Variants in RIMS1 observed in about 807,000 individuals in gnomAD.
RIMS1 encodes regulating synaptic membrane exocytosis 1.
A neutral mutation model predicts 214.1 loss-of-function variants in RIMS1; 83 were observed. The observed-to-expected ratio is 0.39, with a 90% CI of 0.32 to 0.47. The LOEUF (loss-of-function observed/expected upper bound fraction) is 0.47, where lower values mean the gene tolerates loss of function less well. Among genes scored for constraint, RIMS1 ranks in the 20% least tolerant of loss-of-function variants. The probability of loss-of-function intolerance (pLI) is 0.99; values close to 1 mark genes in which losing one functional copy is unlikely to be tolerated. For missense variants in RIMS1, 2,050 were observed against 2,161.8 expected, an observed-to-expected ratio of 0.95 and a Z score of 1.03; for synonymous variants, 793 against 786.8, an observed-to-expected ratio of 1.01 and a Z score of -0.13.
chr6:72,376,394 C>G (rs2098380132), intron 29 of RIMS1, among the ~76,000 whole-genome samples: 1 of 152,150 alleles, frequency 6.6e-6, no homozygotes, highest in Non-Finnish European at 1.5e-5. Flanking sequence ...TGTTACTCTT[C>G]CACATCTGCT....
intron 2 of RIMS1, among the ~76,000 whole-genome samples, chr6:72,031,208 A>G (rs1486439933): frequency 6.6e-6 from 1 of 152,168 alleles, no homozygotes; most frequent in Non-Finnish European, 1.5e-5. Flanking sequence ...TGACAGCTTG[A>G]AGCTACATTA....
chr6:72,189,714 C>T (rs2049747362), intron 6 of RIMS1, among the ~76,000 whole-genome samples: 1 of 152,212 alleles, frequency 6.6e-6, no homozygotes, highest in Non-Finnish European at 1.5e-5. Flanking sequence ...AGTGGAAGTC[C>T]ATGTTGCTGA....
At chr6:72,327,108 T>C (rs138423525) in intron 28 of RIMS1, among the ~76,000 whole-genome samples, 18 of 151,790 alleles carry the variant, frequency 1.2e-4, no homozygotes, top group African/African-American at 4.3e-4. Context: ...CCTCCAGAAC[T>C]GAAAGATAAT....
chr6:72,287,381 C>G (rs1331971921), intron 24 of RIMS1, among the ~76,000 whole-genome samples: 1 of 152,162 alleles, frequency 6.6e-6, no homozygotes, highest in Non-Finnish European at 1.5e-5. Context: ...AAGCAATTTA[C>G]TGCAAGTCCA....
At chr6:72,084,938 G>A (rs1243817588) in intron 2 of RIMS1, among the ~76,000 whole-genome samples, 1 of 152,024 alleles carries the variant, frequency 6.6e-6, no homozygotes, top group African/African-American at 2.4e-5. Context: ...TTTTAAAAGG[G>A]TATGTAGAAT....
rs558737267 is a variant in RIMS1 at position 72,380,952 on chromosome 6, T to C, written c.4367-9646T>C. 7.9e-5 allele frequency among the ~76,000 whole-genome samples: 12 copies of C among 152,332 alleles called. No homozygotes were observed. In the South Asian group the frequency reaches 2.3e-3, roughly 29 times the overall value. On this transcript the variant is annotated intron_variant, in intron 29 of 33. Transcript: ENST00000521978. ...TCCCCACATGCTTAAAGTATCTCAA[T>C]CATCACAATTATTAAATAACATGAT...
At chr6:72,196,378 TC>T (rs1428932535) in intron 6 of RIMS1, among the ~76,000 whole-genome samples, 1,339 of 26,706 alleles carry the variant, frequency 0.05, 25 homozygotes, top group African/African-American at 0.17. Context: ...TGTCTGTCTG[TC>T]TATCTATCTA....
intron 4 of RIMS1, among the ~76,000 whole-genome samples, chr6:72,145,794 AAAC>A (rs747536984): frequency 6.6e-5 from 10 of 152,182 alleles, no homozygotes; most frequent in Non-Finnish European, 1.5e-4. Context: ...AAAAACAAAC[AAAC>A]AACAACAAAC....
At chr6:72,172,670 A>G (rs557222984) in intron 4 of RIMS1, among the ~76,000 whole-genome samples, 2 of 152,300 alleles carry the variant, frequency 1.3e-5, no homozygotes, top group African/African-American at 4.8e-5. Flanking sequence ...GGATACCATG[A>G]CCACTGTCCT....
chr6:72,276,556 AATT>A (rs1391571315), intron 23 of RIMS1, among the ~76,000 whole-genome samples: 2 of 151,966 alleles, frequency 1.3e-5, no homozygotes, highest in South Asian at 2.1e-4. Context: ...TATTAAAATA[AATT>A]ATTATTAAAT....
At chr6:72,079,862 TGACA>T (rs1832863907) in intron 2 of RIMS1, among the ~76,000 whole-genome samples, 1 of 147,982 alleles carries the variant, frequency 6.8e-6, no homozygotes, top group African/African-American at 2.5e-5. Context: ...CCAGCCTGGG[TGACA>T]GACAGAGACT....
chr6:71,983,389 G>C (rs903372265), intron 2 of RIMS1, among the ~76,000 whole-genome samples: 1 of 151,702 alleles, frequency 6.6e-6, no homozygotes, highest in Admixed American at 6.6e-5. Context: ...ATTAAGTTTA[G>C]AGATTAAGTT....
intron 4 of RIMS1, among the ~76,000 whole-genome samples, chr6:72,140,837 T>C (rs2041994454): frequency 6.6e-6 from 1 of 152,080 alleles, no homozygotes; most frequent in Non-Finnish European, 1.5e-5. Flanking sequence ...TATAACTGTT[T>C]TCCTGTTGTC....
intron 29 of RIMS1, among the ~76,000 whole-genome samples, chr6:72,381,480 G>T (rs2098486000): frequency 6.6e-6 from 1 of 152,224 alleles, no homozygotes; most frequent in African/African-American, 2.4e-5. Context: ...GCATTTGGAT[G>T]TTTCCCGCTC....
intron 29 of RIMS1, among the ~76,000 whole-genome samples, chr6:72,356,782 AT>A (rs2097661502): frequency 6.6e-6 from 1 of 151,820 alleles, no homozygotes; most frequent in South Asian, 2.1e-4. Context: ...ATAATAAAAA[AT>A]AAAATAAAAT....
chr6:71,917,099 A>G (rs1778649081), intron 1 of RIMS1, among the ~76,000 whole-genome samples: 2 of 152,122 alleles, frequency 1.3e-5, no homozygotes, highest in Admixed American at 1.3e-4. Flanking sequence ...TTGTTTCTCT[A>G]TATGTAAAAT....
intron 2 of RIMS1, among the ~76,000 whole-genome samples, chr6:72,007,842 T>A (rs774986107): frequency 6.6e-6 from 1 of 152,196 alleles, no homozygotes; most frequent in African/African-American, 2.4e-5. Flanking sequence ...CAAATCTATG[T>A]CTGATTGGTG....
Position 72,246,914 on chromosome 6 carries a change from A to G in RIMS1, c.2128+1053A>G, listed in dbSNP as rs2070138962. The stretch of plus-strand genomic sequence containing the variant: ...AAAAGACACATAGTAACAATTTTAT[A>G]TAGCTGTTTTTTATCACTAAATGTT... On this transcript the variant is annotated intron_variant, in intron 11 of 33. Transcript: ENST00000521978. Among the ~76,000 whole-genome samples the G allele has an allele frequency of 2.0e-5, 3 of 152,236 alleles. No individual in the cohort carries two copies. The South Asian group carries it at 6.2e-4, about 32-fold the overall frequency.
At chr6:72,337,486 CTT>C (rs1457532411) in intron 29 of RIMS1, among the ~76,000 whole-genome samples, 1 of 151,776 alleles carries the variant, frequency 6.6e-6, no homozygotes, top group Non-Finnish European at 1.5e-5. Context: ...TCCATGCTCT[CTT>C]AAGTTATGTT....
Sources: allele counts gnomAD v4.1 joint callset (sites outside exome capture counted in the v4.1 genomes callset), GRCh38; gene constraint gnomAD v4.1.1; transcripts MANE v1.5; gene names NCBI Gene and HGNC (gene_info 2026-07-23, HGNC 2026-07-21).